OTUD7A: variants seen among roughly 807,000 people sequenced by gnomAD.
OTUD7A encodes the protein OTU deubiquitinase 7A.
A neutral mutation model predicts 65.7 loss-of-function variants in OTUD7A; 12 were observed. The ratio of observed to expected loss-of-function variants is 0.18; its 90% CI spans 0.12 to 0.30. OTUD7A has a LOEUF of 0.30. Among genes scored for constraint, OTUD7A ranks in the 10% least tolerant of loss-of-function variants. OTUD7A has a pLI of 1.00. For missense variants in OTUD7A, 1,148 were observed against 1,304.8 expected (o/e 0.88, Z 1.85); for synonymous variants, 641 against 586.3 (o/e 1.09, Z -1.35).
At chr15:31,635,159 G>C (rs1275965204) in intron 3 of OTUD7A, among the ~76,000 whole-genome samples, 5 of 152,168 alleles carry the variant, frequency 3.3e-5, no homozygotes, top group Non-Finnish European at 7.3e-5. Context: ...TCCATTCATA[G>C]TCCTTCTTGG....
chr15:31,587,513 C>A (rs908162628), intron 3 of OTUD7A, among the ~76,000 whole-genome samples: 1 of 151,860 alleles, frequency 6.6e-6, no homozygotes, highest in African/African-American at 2.4e-5. Context: ...TGGTGGCAGG[C>A]GTCTGTAATC....
At chr15:31,530,150 C>A (rs2042066745) in intron 6 of OTUD7A, among the ~76,000 whole-genome samples, 1 of 152,212 alleles carries the variant, frequency 6.6e-6, no homozygotes, top group South Asian at 2.1e-4. Context: ...TGTGATTTAT[C>A]TGAGCAGTAC....
intron 12 of OTUD7A, among the ~76,000 whole-genome samples, chr15:31,486,852 T>C (rs554426314): frequency 1.5e-4 from 23 of 152,384 alleles, no homozygotes; most frequent in African/African-American, 5.3e-4. Flanking sequence ...GCTTGTTTTC[T>C]GAGTGGGCGT....
At chr15:31,797,417 C>T (rs1054034698) in intron 1 of OTUD7A, among the ~76,000 whole-genome samples, 5 of 152,198 alleles carry the variant, frequency 3.3e-5, no homozygotes, top group African/African-American at 1.2e-4. Context: ...CACCTCTCAA[C>T]GACGAGTACC....
intron 3 of OTUD7A, among the ~76,000 whole-genome samples, chr15:31,606,250 C>T (rs2141216899): frequency 6.6e-6 from 1 of 152,330 alleles, no homozygotes. Context: ...TTACCATCTT[C>T]ATGTGCAAAG....
chr15:31,778,838 A>T (rs1895461939), intron 1 of OTUD7A, among the ~76,000 whole-genome samples: 1 of 152,142 alleles, frequency 6.6e-6, no homozygotes, highest in South Asian at 2.1e-4. Flanking sequence ...CAGCCCCATC[A>T]TCAAGTATAA....
intron 5 of OTUD7A, among the ~76,000 whole-genome samples, chr15:31,542,355 T>C (rs1888011305): frequency 6.6e-6 from 1 of 151,936 alleles, no homozygotes; most frequent in East Asian, 1.9e-4. Flanking sequence ...GGAAAACACA[T>C]ATAGAACTTA....
chr15:31,753,727 A>ATATATATATC (rs1894727502), intron 1 of OTUD7A, among the ~76,000 whole-genome samples: 1 of 130,532 alleles, frequency 7.7e-6, no homozygotes, highest in Admixed American at 7.7e-5. Flanking sequence ...TATATTATAT[A>ATATATATATC]TATATATATA....
In OTUD7A at chr15:31,763,497, C is replaced by T. The variant is rs192195144; in HGVS notation, c.-99-106420G>A. Among the ~76,000 whole-genome samples the T allele has an allele frequency of 7.6e-4, 115 of 151,666 alleles. 2 individuals carry two copies. The South Asian group carries it at 0.02, about 27-fold the overall frequency. On this transcript the variant is annotated intron_variant, in intron 1 of 12. Transcript: ENST00000307050. ...AATAGAAATTATCTAATTGGAACAT[C>T]GGAGAGAAAAAAATGAAAAAAATTA...
chr15:31,755,272 G>A (rs1264169208), intron 1 of OTUD7A, among the ~76,000 whole-genome samples: 1 of 152,114 alleles, frequency 6.6e-6, no homozygotes, highest in African/African-American at 2.4e-5. Flanking sequence ...GATGGTGCCA[G>A]AAGCATTTGA....
rs371728273 is a variant in OTUD7A, at chr15:31,844,369, C to T, written c.-100+26138G>A. Among the ~76,000 whole-genome samples the T allele has an allele frequency of 3.5e-4, 53 of 152,318 alleles. No individual in the cohort carries two copies. The South Asian group carries it at 7.5e-3, about 21-fold the overall frequency. Reference sequence around the variant, plus strand: ...AAAATACAAAAATTAGCCAGGCGCACGCCTGTAATCCCAGCTACTCAGGAG... The same window carrying T: ...AAAATACAAAAATTAGCCAGGCGCATGCCTGTAATCCCAGCTACTCAGGAG... On this transcript the variant is annotated intron_variant, in intron 1 of 12. Coordinates refer to ENST00000307050, the MANE Select transcript of OTUD7A (RefSeq NM_001382637.1).
At chr15:31,710,866 A>G (rs933673949) in intron 1 of OTUD7A, among the ~76,000 whole-genome samples, 3 of 152,242 alleles carry the variant, frequency 2.0e-5, no homozygotes, top group Admixed American at 6.5e-5. Flanking sequence ...CCAGGCCACA[A>G]ACTTGGGGTA....
chr15:31,837,324 C>T (rs1010117551), intron 1 of OTUD7A, among the ~76,000 whole-genome samples: 23 of 147,750 alleles, frequency 1.6e-4, no homozygotes, highest in Admixed American at 1.5e-3. Context: ...GTCAAGAGTT[C>T]GAGACCAGCC....
intron 1 of OTUD7A, among the ~76,000 whole-genome samples, chr15:31,773,523 C>T (rs1895294075): frequency 6.6e-6 from 1 of 152,190 alleles, no homozygotes; most frequent in Non-Finnish European, 1.5e-5. Context: ...CCCTAATGAC[C>T]TAATCACTTC....
chr15:31,702,789 G>C (rs1009373901), intron 1 of OTUD7A, among the ~76,000 whole-genome samples: 1 of 151,036 alleles, frequency 6.6e-6, no homozygotes. Flanking sequence ...AATTAGAATA[G>C]TTAAAATAAT....
intron 1 of OTUD7A, among the ~76,000 whole-genome samples, chr15:31,758,294 A>G (rs1894869453): frequency 6.6e-6 from 1 of 152,166 alleles, no homozygotes; most frequent in Admixed American, 6.5e-5. Flanking sequence ...ACAGGAAACA[A>G]TAGTGCCTTC....
intron 1 of OTUD7A, among the ~76,000 whole-genome samples, chr15:31,832,108 A>G (rs144154444): frequency 9.2e-5 from 14 of 152,356 alleles, no homozygotes; most frequent in African/African-American, 3.1e-4. Context: ...AGAAAAAGAA[A>G]AAGTTGGGCT....
chr15:31,659,091 T>A (rs1335595621), intron 1 of OTUD7A, among the ~76,000 whole-genome samples: 1 of 151,062 alleles, frequency 6.6e-6, no homozygotes, highest in Non-Finnish European at 1.5e-5. Flanking sequence ...AAAATAAAAT[T>A]AAAACTTCTG....
chr15:31,489,030 G>C (rs930441270), intron 10 of OTUD7A, among the ~76,000 whole-genome samples: 1 of 152,192 alleles, frequency 6.6e-6, no homozygotes, highest in Admixed American at 6.5e-5. Flanking sequence ...TGAGCTGCAG[G>C]GCAGACACAC....
Sources: gnomAD v4.1 joint callset for allele counts (sites outside exome capture counted in the v4.1 genomes callset) on GRCh38, gnomAD v4.1.1 for gene constraint, MANE v1.5 for transcripts, NCBI Gene and HGNC (gene_info 2026-07-23, HGNC 2026-07-21) for gene names.